Variants in CAPN13 observed in about 807,000 individuals in gnomAD.
CAPN13 encodes calpain-13.
CAPN13 carries 90 observed loss-of-function variants against 98.4 expected under a neutral mutation model. That is an observed-to-expected ratio of 0.92 (90% CI 0.77 to 1.09). The LOEUF is 1.09. Ranked by LOEUF, CAPN13 falls within the 50% of genes least tolerant of loss-of-function variation. CAPN13 has a pLI of 0.00. For missense variants in CAPN13, 887 were observed against 841.3 expected (o/e 1.05, Z -0.67); for synonymous variants, 330 against 305.5 (o/e 1.08, Z -0.84).
At chr2:30,795,396 C>T (rs1246869150) in intron 1 of CAPN13, among the ~76,000 whole-genome samples, 2 of 152,036 alleles carry the variant, frequency 1.3e-5, no homozygotes, top group African/African-American at 2.4e-5. Flanking sequence ...AAAAGAGTTG[C>T]CATTGCTATA....
At chr2:30,752,695 C>A (rs776059518) in intron 10 of CAPN13, among the ~76,000 whole-genome samples, 2 of 152,204 alleles carry the variant, frequency 1.3e-5, no homozygotes, top group Admixed American at 6.5e-5. Flanking sequence ...AGGGTCCAAC[C>A]TAGGCCCTGA....
chr2:30,795,587 C>T (rs1194746012), intron 1 of CAPN13, among the ~76,000 whole-genome samples: 1 of 152,042 alleles, frequency 6.6e-6, no homozygotes, highest in Non-Finnish European at 1.5e-5. Flanking sequence ...ATTTTGTGCC[C>T]ATTTGTCTAT....
At position 30,738,243 on chromosome 2, in the gene CAPN13, G is replaced by C. The variant is rs765506409; in HGVS notation, c.1645C>G (p.Leu549Val). The C allele has an allele frequency of 1.2e-5, 19 of 1,613,842 alleles. No individual in the cohort carries two copies. The South Asian group carries it at 2.1e-4, about 18-fold the overall frequency. ...ATGACCGCAAAGGATACTTCCATCA[G>C]AGCCACCAAGCTGCGGCACTCATCT... ...SLDECRSLVALMELKVNGRLD... is the reference protein window; with the variant it reads ...SLDECRSLVAVMELKVNGRLD... Residue 549 changes from leucine to valine, a missense_variant, in exon 17 of 23, where the codon CTG becomes GTG. Transcript: ENST00000295055.
intron 6 of CAPN13, 76 bp from the exon 7 acceptor site, chr2:30,763,232 A>G: frequency 7.7e-7 from 1 of 1,301,264 alleles, no homozygotes; most frequent in South Asian, 1.3e-5. Context: ...CAGTCCAAAC[A>G]GCCACTGAGC....
At chr2:30,738,651 G>A (rs754270796) in intron 15 of CAPN13, among the ~76,000 whole-genome samples, 194 bp from the exon 16 acceptor site, 6 of 152,186 alleles carry the variant, frequency 3.9e-5, no homozygotes, top group Non-Finnish European at 5.9e-5. Context: ...CATCTGTCGT[G>A]TTGGTCACTC....
At chr2:30,773,669 T>G (rs893079127) in intron 4 of CAPN13, among the ~76,000 whole-genome samples, 3 of 152,190 alleles carry the variant, frequency 2.0e-5, no homozygotes, top group Admixed American at 2.0e-4. Context: ...CGTAAACCTC[T>G]GGGCACCAAA....
At chr2:30,741,668 C>A in intron 15 of CAPN13, 5 of 1,365,762 alleles carry the variant, frequency 3.7e-6, no homozygotes, top group Non-Finnish European at 4.7e-6. Flanking sequence ...TATCCCCTCC[C>A]TTTCTAAGCT....
chr2:30,791,106 C>A (rs1421643652), intron 1 of CAPN13, among the ~76,000 whole-genome samples: 2 of 152,194 alleles, frequency 1.3e-5, no homozygotes, highest in Non-Finnish European at 2.9e-5. Flanking sequence ...ACTCTCCTAG[C>A]CCTGGCTGCA....
chr2:30,807,219 T>G (rs1675684046), intron 1 of CAPN13, 83 bp downstream of exon 1: 1 of 152,154 alleles, frequency 6.6e-6, no homozygotes, highest in East Asian at 1.9e-4. Flanking sequence ...ATCATGAAGC[T>G]CTCTAGAAAA....
intron 2 of CAPN13, among the ~76,000 whole-genome samples, chr2:30,785,504 G>A (rs978212093): frequency 1.3e-5 from 2 of 152,168 alleles, no homozygotes; most frequent in African/African-American, 4.8e-5. Flanking sequence ...TGGATGAGGA[G>A]AGTAGTAATG....
At chr2:30,796,178 A>G (rs1049355824) in intron 1 of CAPN13, among the ~76,000 whole-genome samples, 11 of 142,034 alleles carry the variant, frequency 7.7e-5, no homozygotes, top group Non-Finnish European at 1.3e-4. Flanking sequence ...GTGTGTATAT[A>G]TATATACATA....
intron 15 of CAPN13, among the ~76,000 whole-genome samples, chr2:30,740,082 GTTTTTTTTTTTTT>G (rs143581068): frequency 2.5e-5 from 3 of 121,406 alleles, no homozygotes; most frequent in South Asian, 2.6e-4. Context: ...ATTGTATTAG[GTTTTTTTTTTTTT>G]TTTTTTTTTT....
At chr2:30,757,164 T>C (rs1451704566) in intron 8 of CAPN13, among the ~76,000 whole-genome samples, 3 of 152,226 alleles carry the variant, frequency 2.0e-5, no homozygotes, top group African/African-American at 2.4e-5. Context: ...CAGCAGCTGC[T>C]GTGTCACGAC....
intron 22 of CAPN13, among the ~76,000 whole-genome samples, chr2:30,725,478 G>A (rs753727150): frequency 2.0e-5 from 3 of 152,146 alleles, no homozygotes; most frequent in East Asian, 1.9e-4. Flanking sequence ...CAACTTGCCC[G>A]GTGAGTCCAA....
chr2:30,738,320 G>A lies in CAPN13; in HGVS notation c.1595-27C>T, dbSNP rs370067832. ...TGAGGAGAGAAGGACAGGAAGGACT[G>A]AAGTGTTGACAGTGGGGTGTGGGGT... On this transcript the variant is annotated intron_variant, in intron 16 of 22. Transcript: ENST00000295055. 6.2e-6 allele frequency: 10 copies of A among 1,613,818 alleles called. No homozygotes were observed. The Middle Eastern group carries it at 4.9e-4, about 80-fold the overall frequency.
chr2:30,765,521 C>G (rs984564325), intron 5 of CAPN13, among the ~76,000 whole-genome samples: 9 of 152,208 alleles, frequency 5.9e-5, no homozygotes, highest in Non-Finnish European at 1.2e-4. Context: ...CTGGGTCTAT[C>G]CTGCTGCTCC....
rs765673354 is a variant in CAPN13, at chr2:30,743,415, G to T, written c.1413C>A (p.Leu471=). ...QTRRKSAEFL[L]RIFLKMPDSD... Reference sequence around the variant, plus strand: ...TGTCTGGCATTTTCAGGAAGATTCGGAGCAAGAACTCCGCTGATTTTCTCC... The same window carrying T: ...TGTCTGGCATTTTCAGGAAGATTCGTAGCAAGAACTCCGCTGATTTTCTCC... Residue 471 remains leucine (L), a synonymous_variant, in exon 13 of 23, where the codon CTC becomes CTA. Transcript: ENST00000295055. The T allele has an allele frequency of 6.2e-7, 1 of 1,613,880 alleles. No individual in the cohort carries two copies. The highest frequency in any genetic ancestry group is 1.3e-5 in the African/African-American group (1 of 74,910).
At chr2:30,727,864 T>C (rs1054728191) in intron 22 of CAPN13, among the ~76,000 whole-genome samples, 1 of 151,996 alleles carries the variant, frequency 6.6e-6, no homozygotes, top group Admixed American at 6.6e-5. Context: ...CAAACATTCA[T>C]AGCAGGATTA....
chr2:30,752,486 G>A (rs149685385), intron 10 of CAPN13, among the ~76,000 whole-genome samples: 3 of 152,330 alleles, frequency 2.0e-5, no homozygotes, highest in South Asian at 2.1e-4. Context: ...GACAGGCTCA[G>A]ATGCGCCTAC....
Sources: gnomAD v4.1 joint callset for allele counts (sites outside exome capture counted in the v4.1 genomes callset) on GRCh38, gnomAD v4.1.1 for gene constraint, MANE v1.5 for transcripts, NCBI Gene and HGNC (gene_info 2026-07-23, HGNC 2026-07-21) for gene names.